LRRK1: variants seen among roughly 807,000 people sequenced by gnomAD.
LRRK1 encodes the protein leucine rich repeat kinase 1, also known as leucine-rich repeat serine/threonine-protein kinase 1.
Under a neutral mutation model 209.1 loss-of-function variants are expected in LRRK1, and 113 were observed. That is an observed-to-expected ratio of 0.54 (90% CI 0.46 to 0.63). The LOEUF is 0.63. Ranked by LOEUF, LRRK1 falls within the 30% of genes least tolerant of loss-of-function variation. The pLI is 0.00. For missense variants in LRRK1, 2,284 were observed against 2,632.2 expected (o/e 0.87, Z 2.89); for synonymous variants, 1,144 against 1,099.7 (o/e 1.04, Z -0.80).
At chr15:100,952,621 G>A (rs899717269) in intron 2 of LRRK1, among the ~76,000 whole-genome samples, 17 of 152,050 alleles carry the variant, frequency 1.1e-4, no homozygotes, top group Non-Finnish European at 2.1e-4. Flanking sequence ...CTTCTCACAG[G>A]ACCTGACTCC....
At chr15:100,993,746 A>G (rs748296601) in intron 6 of LRRK1, among the ~76,000 whole-genome samples, 3 of 152,182 alleles carry the variant, frequency 2.0e-5, no homozygotes, top group Non-Finnish European at 4.4e-5. Flanking sequence ...GGATCCACCC[A>G]CTTCATATTT....
intron 30 of LRRK1, chr15:101,062,264 C>T: frequency 7.4e-6 from 2 of 271,844 alleles, no homozygotes; most frequent in Non-Finnish European, 1.4e-5. Context: ...TCCACTTTGC[C>T]AGTACCAGGT....
At chr15:101,042,322 CAGTCT>C in intron 20 of LRRK1, among the ~76,000 whole-genome samples, 1 of 120 alleles carries the variant, frequency 8.3e-3, no homozygotes. Context: ...ATTTTTCTGT[CAGTCT>C]TTTTAAAGGT....
At chr15:101,053,536 C>A in intron 26 of LRRK1, 116 bp downstream of exon 26, 1 of 888,714 alleles carries the variant, frequency 1.1e-6, no homozygotes, top group Non-Finnish European at 1.7e-6. Flanking sequence ...GCACGCCCAA[C>A]CCATGGCTCG....
At chr15:100,949,048 A>C (rs1055451265) in intron 2 of LRRK1, among the ~76,000 whole-genome samples, 4 of 152,154 alleles carry the variant, frequency 2.6e-5, no homozygotes, top group African/African-American at 9.6e-5. Context: ...AAAATAGAGA[A>C]TATAAAAGCA....
chr15:101,070,308 CT>C lies in LRRK1; in HGVS notation c.*1486del, dbSNP rs529158728. ...CTTGGAAAAAGCGAGTCCCCCCACT[CT>C]TTTTTTTTTTTTTTTTTTTTTTTTT... On this transcript the variant is annotated 3_prime_UTR_variant, in exon 34 of 34. Coordinates refer to ENST00000388948, the MANE Select transcript of LRRK1 (RefSeq NM_024652.6). 0.039 allele frequency: 3,663 copies of C among 94,654 alleles called. 223 individuals carry two copies. The highest frequency in any genetic ancestry group is 0.13 in the African/African-American group (2,757 of 21,954). 5.9% of individuals were successfully genotyped at this position (94,654 alleles called of 1,614,324 possible).
chr15:100,958,077 AACT>A (rs1162289061), intron 2 of LRRK1, among the ~76,000 whole-genome samples: 1 of 152,174 alleles, frequency 6.6e-6, no homozygotes, highest in Admixed American at 6.5e-5. Flanking sequence ...GCTGGTCTCA[AACT>A]CCTGACCGCA....
chr15:101,035,644 C>T (rs1325086831), intron 20 of LRRK1, among the ~76,000 whole-genome samples: 1 of 152,110 alleles, frequency 6.6e-6, no homozygotes, highest in Non-Finnish European at 1.5e-5. Flanking sequence ...AATACACTTA[C>T]ATTCAAGGCA....
At chr15:100,994,776 G>A (rs895720291) in intron 6 of LRRK1, among the ~76,000 whole-genome samples, 3 of 152,178 alleles carry the variant, frequency 2.0e-5, no homozygotes, top group African/African-American at 7.2e-5. Flanking sequence ...TGGAGTGGGT[G>A]TGCCTGGCTG....
At chr15:100,997,081 C>A (rs1156345430) in intron 6 of LRRK1, among the ~76,000 whole-genome samples, 2 of 126,352 alleles carry the variant, frequency 1.6e-5, no homozygotes, top group Admixed American at 8.1e-5. Context: ...TTAATATAAT[C>A]ATATCTATAG....
intron 6 of LRRK1, among the ~76,000 whole-genome samples, chr15:100,991,186 C>G (rs1241850963): frequency 2.0e-5 from 3 of 152,212 alleles, no homozygotes; most frequent in Non-Finnish European, 4.4e-5. Context: ...TACTGGTTCA[C>G]TGGCCTATTA....
chr15:101,028,810 C>A lies in LRRK1; in HGVS notation c.2687-146C>A, dbSNP rs1243522454. On this transcript the variant is annotated intron_variant, in intron 19 of 33. Transcript: ENST00000388948. ...GGGCACCTGTGATCAGGCTGCCAGC[C>A]CACCTGAAGGGTCCAGCATGTGGGA... The A allele has an allele frequency of 8.9e-6, 8 of 898,612 alleles. No homozygotes were observed. The Admixed American group carries it at 1.6e-4, about 18-fold the overall frequency. 55.7% of individuals were successfully genotyped at this position (898,612 alleles called of 1,614,324 possible). A position where few individuals can be genotyped will look rare whatever the true frequency, so the allele number is the denominator to read the frequency against.
At chr15:101,006,594 T>A (rs892570499) in intron 6 of LRRK1, among the ~76,000 whole-genome samples, 1 of 151,878 alleles carries the variant, frequency 6.6e-6, no homozygotes, top group Non-Finnish European at 1.5e-5. Flanking sequence ...CGTATTGATG[T>A]TACACTTACT....
intron 6 of LRRK1, among the ~76,000 whole-genome samples, chr15:100,997,843 G>GC (rs1329187178): frequency 6.6e-6 from 1 of 152,198 alleles, no homozygotes; most frequent in Non-Finnish European, 1.5e-5. Flanking sequence ...CACAAACATG[G>GC]CCACAGCACT....
intron 20 of LRRK1, among the ~76,000 whole-genome samples, chr15:101,033,840 A>G (rs906217398): frequency 3.9e-5 from 6 of 152,222 alleles, no homozygotes. Flanking sequence ...AGAAATCGCC[A>G]TACTATTTTC....
At position 101,049,753 on chromosome 15, in the gene LRRK1, G is replaced by A. The variant is rs537781752; in HGVS notation, c.3409G>A (p.Val1137Ile). The A allele has an allele frequency of 1.2e-5, 19 of 1,613,904 alleles. No individual in the cohort carries two copies. Among genetic ancestry groups the A allele is most frequent in the Admixed American group, 1.7e-5 (1 of 59,984 alleles). Reference protein sequence around the residue: ...FSAMAFITDHVNSLIDQWFPA... With the variant: ...FSAMAFITDHINSLIDQWFPA... ...AGCCATGGCTTTCATCACGGACCAC[G>A]TCAATTCCTTGATTGATCAGTGGTT... Residue 1137 changes from valine (V) to isoleucine (I), a missense_variant, in exon 23 of 34, where the codon GTC (valine) becomes ATC (isoleucine). By Grantham distance (29) the Val-to-Ile change is conservative. This residue lies in a region of LRRK1 where 780 missense variants were observed against 985.2 expected (regional missense o/e 0.79). Coordinates refer to ENST00000388948, the MANE Select transcript of LRRK1 (RefSeq NM_024652.6).
At position 101,052,962 on chromosome 15, in the gene LRRK1, G is replaced by A. The variant is rs558530256; in HGVS notation, c.3730G>A (p.Glu1244Lys). ...CAGCAAGCTGGAGCACAGCGAGGAC[G>A]AGGGCAGCGTCCTGGGCCAGGGCGG... Reference protein sequence around the residue: ...ENSKLEHSEDEGSVLGQGGSG... With the variant: ...ENSKLEHSEDKGSVLGQGGSG... The change falls in exon 25 of 34, where the codon GAG becomes AAG. Residue 1244 changes from glutamate (E) to lysine (K), a missense_variant. Glu to Lys is a moderately conservative substitution (Grantham distance 56). Coordinates refer to ENST00000388948, the MANE Select transcript of LRRK1 (RefSeq NM_024652.6). The A allele has an allele frequency of 7.4e-6, 12 of 1,611,730 alleles. No individual in the cohort carries two copies. Among genetic ancestry groups the A allele is most frequent in the Admixed American group, 3.3e-5 (2 of 60,000 alleles).
intron 28 of LRRK1, among the ~76,000 whole-genome samples, chr15:101,057,542 ATTC>A (rs761912426): frequency 6.6e-5 from 10 of 152,218 alleles, no homozygotes; most frequent in Non-Finnish European, 1.3e-4. Context: ...TAAACAGGGT[ATTC>A]TTTAGAAGAA....
chr15:101,048,612 A>T lies in LRRK1; in HGVS notation c.3254A>T (p.Tyr1085Phe). ...TFRVKRNQTI[Y>F]WQEGLLVTFD... ...AGAGTGAAAAGAAATCAGACCATCT[A>T]TTGGCAGGAAGGGCTCCTGGTCACT... is the stretch of plus-strand genomic sequence containing the variant. Residue 1085 changes from tyrosine (Y) to phenylalanine (F), a missense_variant, in exon 22 of 34, where the codon TAT becomes TTT. This residue lies in a region of LRRK1 where 780 missense variants were observed against 985.2 expected (regional missense o/e 0.79). Transcript: ENST00000388948. 1 of 1,556,082 alleles carries T rather than the reference A, an allele frequency of 6.4e-7. No individual in the cohort carries two copies. The highest frequency in any genetic ancestry group is 8.6e-7 in the Non-Finnish European group (1 of 1,158,158).
Sources: allele counts gnomAD v4.1 joint callset (sites outside exome capture counted in the v4.1 genomes callset), GRCh38; gene constraint gnomAD v4.1.1; regional missense constraint gnomAD v4.1.1; transcripts MANE v1.5; gene names NCBI Gene and HGNC (gene_info 2026-07-23, HGNC 2026-07-21).